Variants in RINL observed in about 807,000 individuals in gnomAD.
The protein encoded by RINL is ras and Rab interactor-like protein.
A neutral mutation model predicts 58.1 loss-of-function variants in RINL; 39 were observed. That is an observed-to-expected ratio of 0.67 (90% CI 0.52 to 0.88). The LOEUF is 0.88. Ranked by LOEUF, RINL falls within the 40% of genes least tolerant of loss-of-function variation. The pLI is 0.00. For missense variants in RINL, 711 were observed against 749.2 expected (o/e 0.95, Z 0.60); for synonymous variants, 286 against 323.1 (o/e 0.89, Z 1.23).
intron 3 of RINL, among the ~76,000 whole-genome samples, chr19:38,874,520 C>G (rs1198255799): frequency 6.6e-6 from 1 of 152,200 alleles, no homozygotes; most frequent in Non-Finnish European, 1.5e-5. Flanking sequence ...GTGATCCGCT[C>G]TTCTCAGCCT....
In RINL at chr19:38,869,158, C is replaced by T. The variant is rs142923912; in HGVS notation, c.1647G>A (p.Leu549=). ...RKDHPRAQAN[L]PFKEPWAEET... is the part of the protein sequence containing the mutation. ...CTTCTGCCCATGGCTCCTTAAAGGG[C>T]AGGTTGGCCTGTGGGGAGAGGTGGG... Residue 549 remains leucine, a synonymous_variant, in exon 12 of 12, where the codon CTG becomes CTA. Coordinates refer to ENST00000591812, the MANE Select transcript of RINL (RefSeq NM_001195833.2). This position sits in a 1 kb window ranked among gnomAD's most constrained non-coding sequence, Gnocchi z 5.7. 20 of 1,614,042 alleles carry T rather than the reference C, an allele frequency of 1.2e-5. No individual in the cohort carries two copies. The highest frequency in any genetic ancestry group is 1.6e-5 in the Non-Finnish European group (19 of 1,179,946).
Position 38,876,774 on chromosome 19 carries a change from C to T in RINL, c.-32G>A. 2.0e-6 allele frequency: 3 copies of T among 1,528,808 alleles called. No individual in the cohort carries two copies. Among genetic ancestry groups the T allele is most frequent in the Non-Finnish European group, 2.6e-6 (3 of 1,140,270 alleles). 94.7% of individuals were successfully genotyped at this position (1,528,808 alleles called of 1,614,324 possible). ...GTTGCAGGAAGCCAGTGAGTCATGA[C>T]CTGGCCTCTGGCAGGGAGAAAGGTA... On this transcript the variant is annotated 5_prime_UTR_variant, in exon 2 of 12. Coordinates refer to ENST00000591812, the MANE Select transcript of RINL (RefSeq NM_001195833.2).
Position 38,876,321 on chromosome 19 carries a change from G to A in RINL, c.210+10C>T. ...GGTGTCAGGATGGGCCCCCAGCTGT[G>A]AGTACTCACCCCTAGTGGCCACAGC... On this transcript the variant is annotated intron_variant, in intron 3 of 11. Transcript: ENST00000591812. The A allele has an allele frequency of 6.5e-7, 1 of 1,534,778 alleles. No individual in the cohort carries two copies. Among genetic ancestry groups the A allele is most frequent in the Non-Finnish European group, 8.7e-7 (1 of 1,146,026 alleles).
chr19:38,871,253 G>A, intron 6 of RINL, 26 bp from the exon 7 acceptor site: 1 of 1,613,526 alleles, frequency 6.2e-7, no homozygotes, highest in South Asian at 1.1e-5. Flanking sequence ...GTGAGAAGGT[G>A]TCCTAGGTAT....
intron 3 of RINL, among the ~76,000 whole-genome samples, chr19:38,875,196 C>CT (rs906074929): frequency 2.7e-4 from 39 of 143,742 alleles, no homozygotes; most frequent in South Asian, 1.3e-3. Context: ...GGGCCCCATC[C>CT]TTTTTTTTTT....
chr19:38,869,870 G>A lies in RINL; in HGVS notation c.1342+73C>T. ...AGGACCGCATAGATTCCTCCCACCAGTGCTACCCTCTCCCGCCTGGCTCCA... is the reference window on the plus strand; with the variant it reads ...AGGACCGCATAGATTCCTCCCACCAATGCTACCCTCTCCCGCCTGGCTCCA... On this transcript the variant is annotated intron_variant, in intron 9 of 11. Coordinates refer to ENST00000591812, the MANE Select transcript of RINL (RefSeq NM_001195833.2). This position sits in a 1 kb window ranked among gnomAD's most constrained non-coding sequence, Gnocchi z 5.7. 9 of 1,533,670 alleles carry A rather than the reference G, an allele frequency of 5.9e-6. No individual in the cohort carries two copies. The highest frequency in any genetic ancestry group is 7.9e-6 in the Non-Finnish European group (9 of 1,139,800).
At chr19:38,872,757 T>C (rs901337324) in intron 4 of RINL, among the ~76,000 whole-genome samples, 3 of 152,004 alleles carry the variant, frequency 2.0e-5, no homozygotes, top group Admixed American at 1.3e-4. Context: ...AGGGATAGCA[T>C]TAGGAAGAAA....
rs181052821 is a variant in RINL, at chr19:38,873,375, C to T, written c.313+511G>A. Among the ~76,000 whole-genome samples, 9 of 152,180 alleles carry T rather than the reference C, an allele frequency of 5.9e-5. No individual in the cohort carries two copies. The East Asian group carries it at 1.5e-3, about 26-fold the overall frequency. The stretch of plus-strand genomic sequence containing the variant: ...GGAGTTTACATTTTGTATCTAAGGA[C>T]GTTGCATGCTCTTTGCAGGATTTGG... On this transcript the variant is annotated intron_variant, in intron 4 of 11. Coordinates refer to ENST00000591812, the MANE Select transcript of RINL (RefSeq NM_001195833.2).
chr19:38,872,885 T>A (rs201131577), intron 4 of RINL, among the ~76,000 whole-genome samples: 1 of 36,388 alleles, frequency 2.7e-5, no homozygotes, highest in African/African-American at 7.8e-5. Context: ...CGATAAAAAA[T>A]AAATAAATAA....
intron 4 of RINL, among the ~76,000 whole-genome samples, chr19:38,873,261 A>C (rs1220530570): frequency 6.6e-6 from 1 of 152,178 alleles, no homozygotes; most frequent in East Asian, 1.9e-4. Flanking sequence ...ACAGAGTGTA[A>C]CAGTGTGTAT....
chr19:38,876,641 G>T (rs1421143783), intron 2 of RINL, 52 bp downstream of exon 2: 14 of 1,503,030 alleles, frequency 9.3e-6, no homozygotes, highest in Non-Finnish European at 1.3e-5. Flanking sequence ...GGATGGAAAG[G>T]GTTTCTGGAT....
At chr19:38,874,950 C>T (rs141118351) in intron 3 of RINL, among the ~76,000 whole-genome samples, 13,803 of 151,894 alleles carry the variant, frequency 0.091, 806 homozygotes, top group South Asian at 0.19. Flanking sequence ...CCCTGGCCAA[C>T]GTGGTGAATC....
In RINL at chr19:38,870,222, C is replaced by T. The variant is rs1416493716; in HGVS notation, c.1063G>A (p.Ala355Thr). The T allele has an allele frequency of 3.6e-6, 5 of 1,386,366 alleles. No individual in the cohort carries two copies. In the African/African-American group the frequency reaches 7.6e-5, roughly 21 times the overall value. The allele number at this position is 1,386,366 out of a possible 1,614,324, so 85.9% of individuals were successfully genotyped here. Residue 355 changes from alanine (A) to threonine (T), a missense_variant, in exon 9 of 12, where the codon GCG becomes ACG. Physicochemically the swap from Ala to Thr is moderately conservative, Grantham distance 58. Transcript: ENST00000591812. This position sits in a 1 kb window ranked among gnomAD's most constrained non-coding sequence, Gnocchi z 5.8. The stretch of plus-strand genomic sequence containing the variant: ...GTCCACAGGGCCGGCTTCAGGGGCG[C>T]CAGCACCGCCTGGCACACCGCCGTC... ...LETAVCQAVLAPLKPALWTRL... is the reference protein window; with the variant it reads ...LETAVCQAVLTPLKPALWTRL...
In RINL at chr19:38,869,797, T is replaced by C. The variant is rs115285332; in HGVS notation, c.1343-93A>G. ...GATCCCCAGGACCACGAGGGCTGGC[T>C]GCCCCTCCACCTTGTCGGGCATGAC... On this transcript the variant is annotated intron_variant, in intron 9 of 11. Transcript: ENST00000591812. This position sits in a 1 kb window ranked among gnomAD's most constrained non-coding sequence, Gnocchi z 5.7. The C allele has an allele frequency of 1.1e-3, 1,730 of 1,571,854 alleles. 12 individuals are homozygous for C. The African/African-American group carries it at 0.019, about 17-fold the overall frequency.
In RINL at chr19:38,870,906, T is replaced by C. The variant is rs749507941; in HGVS notation, c.688A>G (p.Ser230Gly). The C allele has an allele frequency of 5.0e-5, 81 of 1,604,780 alleles. No homozygotes were observed. Among genetic ancestry groups the C allele is most frequent in the African/African-American group, 6.7e-5 (5 of 74,930 alleles). The part of the protein sequence containing the change: ...EVDHPGPALA[S>G]LLEEEEEDLE... ...TCTTCCTCCTCCTCTTCCAGTAGGC[T>C]GGCGAGAGCCGGCCCAGGATGGTCC... is the stretch of plus-strand genomic sequence containing the variant. The change falls in exon 8 of 12, where the codon AGC (serine) becomes GGC (glycine). Residue 230 changes from serine (S) to glycine (G), a missense_variant. By Grantham distance (56) the Ser-to-Gly change is moderately conservative. Coordinates refer to ENST00000591812, the MANE Select transcript of RINL (RefSeq NM_001195833.2). This position sits in a 1 kb window ranked among gnomAD's most constrained non-coding sequence, Gnocchi z 5.8.
In RINL at chr19:38,870,171, C is replaced by G. The variant is rs946423928; in HGVS notation, c.1114G>C (p.Glu372Gln). 2 of 1,408,700 alleles carry G rather than the reference C, an allele frequency of 1.4e-6. No homozygotes were observed. The highest frequency in any genetic ancestry group is 3.1e-5 in the South Asian group (2 of 64,848). The allele number at this position is 1,408,700 out of a possible 1,614,324, so 87.3% of individuals were successfully genotyped here. The change falls in exon 9 of 12, where the codon GAG becomes CAG. Residue 372 changes from glutamate to glutamine, a missense_variant. Physicochemically the swap from Glu to Gln is conservative, Grantham distance 29. Coordinates refer to ENST00000591812, the MANE Select transcript of RINL (RefSeq NM_001195833.2). The surrounding 1 kb of genome is among the most constrained non-coding windows in gnomAD (Gnocchi z 5.8). ...TGTCGCCGCCGCAGCCGCCGCAGCTCCGGTGCTCGGAGTGTGCGGAGTCGT... is the reference window on the plus strand; with the variant it reads ...TGTCGCCGCCGCAGCCGCCGCAGCTGCGGTGCTCGGAGTGTGCGGAGTCGT... ...WTRLRTLRAPELRRLRRRQTA... is the reference protein window; with the variant it reads ...WTRLRTLRAPQLRRLRRRQTA...
Position 38,870,558 on chromosome 19 carries a change from TC to T in RINL, c.1024+11del. On this transcript the variant is annotated intron_variant, in intron 8 of 11. Coordinates refer to ENST00000591812, the MANE Select transcript of RINL (RefSeq NM_001195833.2). This position sits in a 1 kb window ranked among gnomAD's most constrained non-coding sequence, Gnocchi z 5.8. ...TGAACCCGTGGGGGCTCCCTTCCAG[TC>T]CTCCCATTACCTGGATCCTCGTCCT... The T allele has an allele frequency of 1.9e-6, 3 of 1,543,062 alleles. No homozygotes were observed. Among genetic ancestry groups the T allele is most frequent in the Non-Finnish European group, 2.6e-6 (3 of 1,145,244 alleles).
Position 38,870,258 on chromosome 19 carries a change from G to A in RINL, c.1027C>T (p.Pro343Ser). 3 of 1,382,884 alleles carry A rather than the reference G, an allele frequency of 2.2e-6. No homozygotes were observed. Among genetic ancestry groups the A allele is most frequent in the Non-Finnish European group, 2.8e-6 (3 of 1,076,072 alleles). 85.7% of individuals were successfully genotyped at this position (1,382,884 alleles called of 1,614,324 possible). The part of the protein sequence containing the change: ...GLPKKDEDPG[P>S]ALETAVCQAV... ...TGGCACACCGCCGTCTCCAGCGCGG[G>A]GCCTGCGGGGTGTGGGGGACGGGTG... Residue 343 changes from proline to serine, a missense_variant and splice_region_variant, in exon 9 of 12, where the codon CCC becomes TCC. Coordinates refer to ENST00000591812, the MANE Select transcript of RINL (RefSeq NM_001195833.2). This position sits in a 1 kb window ranked among gnomAD's most constrained non-coding sequence, Gnocchi z 5.8.
At chr19:38,874,430 G>A (rs1006079807) in intron 3 of RINL, among the ~76,000 whole-genome samples, 3 of 152,076 alleles carry the variant, frequency 2.0e-5, no homozygotes, top group Admixed American at 6.6e-5. Flanking sequence ...CTGCCACCAC[G>A]CCCGGCTAAG....
Sources: gnomAD v4.1 joint callset for allele counts (sites outside exome capture counted in the v4.1 genomes callset) on GRCh38, gnomAD v4.1.1 for gene constraint, Gnocchi (gnomAD v3.1) non-coding constraint, MANE v1.5 for transcripts, NCBI Gene and HGNC (gene_info 2026-07-23, HGNC 2026-07-21) for gene names.